The following ENTPD5 variants were observed in gnomAD, a reference collection of about 807,000 sequenced individuals.
ENTPD5 encodes nucleoside diphosphate phosphatase ENTPD5.
ENTPD5 carries 49 observed loss-of-function variants against 60.2 expected under a neutral mutation model. The observed-to-expected ratio is 0.81, with a 90% confidence interval of 0.65 to 1.03. The LOEUF (loss-of-function observed/expected upper bound fraction) is 1.03. Ranked by LOEUF, ENTPD5 falls within the 50% of genes least tolerant of loss-of-function variation. The probability of loss-of-function intolerance (pLI) is 0.00; values close to 1 mark genes in which losing one functional copy is unlikely to be tolerated. For synonymous variants in ENTPD5, 187 were observed against 185.4 expected, an observed-to-expected ratio of 1.01 and a Z score of -0.07; for missense variants, 480 against 507.6, an observed-to-expected ratio of 0.95 and a Z score of 0.52.
At chr14:74,014,389 C>G (rs200182583) in intron 2 of ENTPD5, among the ~76,000 whole-genome samples, 1,680 of 148,880 alleles carry the variant, frequency 0.011, 36 homozygotes, top group African/African-American at 0.038. Context: ...CTCCCCCCCC[C>G]CACAAAAAAA....
At chr14:73,961,804 T>C (rs748670638), downstream of ENTPD5, 11 of 1,614,218 alleles carry the variant, frequency 6.8e-6, no homozygotes, top group Admixed American at 6.7e-5. Flanking sequence ...TTCTGGCTGC[T>C]ACAGACTTAC....
chr14:74,000,543 G>A (rs2058476072), intron 3 of ENTPD5, among the ~76,000 whole-genome samples: 1 of 152,096 alleles, frequency 6.6e-6, no homozygotes, highest in African/African-American at 2.4e-5. Context: ...CACTTTGGGA[G>A]GCCGAGGAGG....
chr14:73,960,383 A>G, downstream of ENTPD5: 1 of 987,576 alleles, frequency 1.0e-6, no homozygotes, highest in South Asian at 4.7e-5. Context: ...GCCTTTGGAT[A>G]ATATGGGTAC....
Position 73,975,936 on chromosome 14 carries a change from CTA to C in ENTPD5, c.720_721del (p.His240GlnfsTer24), listed in dbSNP as rs780594705. ...TCTTCTTCCCTGTCCCCGTCCTCACCTATGTGTATAGAGCTTATAAGTGCTGT... is the reference window on the plus strand; with the variant it reads ...TCTTCTTCCCTGTCCCCGTCCTCACCTGTGTATAGAGCTTATAAGTGCTGT... On this transcript the variant is annotated frameshift_variant and splice_region_variant, in exon 10 of 16. Transcript: ENST00000334696. LOFTEE classifies it high-confidence loss of function. 12 of 1,605,642 alleles carry C rather than the reference CTA, an allele frequency of 7.5e-6. No individual in the cohort carries two copies. The highest frequency in any genetic ancestry group is 1.7e-5 in the Admixed American group (1 of 59,650).
At chr14:73,967,110 A>G (rs1402643206) in intron 15 of ENTPD5, 96 bp from the exon 16 acceptor site, 57 of 1,016,962 alleles carry the variant, frequency 5.6e-5, no homozygotes, top group Non-Finnish European at 7.8e-5. Flanking sequence ...GAATATCCAC[A>G]TGGGCAAACC....
chr14:74,004,288 C>A (rs1277335143), intron 3 of ENTPD5, among the ~76,000 whole-genome samples: 1 of 151,974 alleles, frequency 6.6e-6, no homozygotes, highest in African/African-American at 2.4e-5. Flanking sequence ...CTGTCACAGC[C>A]TCCGAAGTAG....
intron 6 of ENTPD5, among the ~76,000 whole-genome samples, chr14:73,978,939 A>G (rs1179799241): frequency 6.6e-6 from 1 of 152,004 alleles, no homozygotes; most frequent in Non-Finnish European, 1.5e-5. Flanking sequence ...GAAAAAGCCA[A>G]AGTGATTACA....
chr14:73,955,862 A>T (rs765278197), downstream of ENTPD5: 7 of 1,614,022 alleles, frequency 4.3e-6, no homozygotes, highest in South Asian at 7.7e-5. Flanking sequence ...TTTAGATGAC[A>T]TGGGCTATAT....
intron 5 of ENTPD5, among the ~76,000 whole-genome samples, chr14:73,984,118 C>T (rs969348155): frequency 3.9e-5 from 6 of 152,152 alleles, no homozygotes; most frequent in African/African-American, 1.4e-4. Context: ...ACCTCTGCCT[C>T]CCGGGTTCAA....
intron 7 of ENTPD5, 57 bp downstream of exon 7, chr14:73,977,242 G>T: frequency 7.0e-7 from 1 of 1,426,846 alleles, no homozygotes; most frequent in South Asian, 1.2e-5. Context: ...CCTTTAGTTA[G>T]ATCTTTCACT....
intron 10 of ENTPD5, among the ~76,000 whole-genome samples, chr14:73,975,292 A>G (rs1484549795): frequency 6.6e-6 from 1 of 152,104 alleles, no homozygotes; most frequent in African/African-American, 2.4e-5. Context: ...CCCAACTGGG[A>G]TCACATTCCA....
intron 5 of ENTPD5, among the ~76,000 whole-genome samples, chr14:73,985,405 T>C (rs2057858234): frequency 6.6e-6 from 1 of 152,184 alleles, no homozygotes. Flanking sequence ...CAGCACTTGT[T>C]GTTTCCTGAC....
At chr14:73,974,863 A>C (rs1244832808) in intron 11 of ENTPD5, 61 bp downstream of exon 11, 14 of 1,336,670 alleles carry the variant, frequency 1.0e-5, no homozygotes, top group Middle Eastern at 1.8e-4. Context: ...GAAGGGAAGA[A>C]GCAAGCGGAG....
intron 9 of ENTPD5, 99 bp downstream of exon 9, chr14:73,976,225 C>T (rs1369745376): frequency 3.3e-5 from 35 of 1,045,044 alleles, no homozygotes; most frequent in Middle Eastern, 2.0e-4. Flanking sequence ...TCTGCCTAAG[C>T]GTGGTAGAGC....
intron 3 of ENTPD5, among the ~76,000 whole-genome samples, chr14:73,995,929 G>A (rs2058328003): frequency 6.6e-6 from 1 of 152,034 alleles, no homozygotes; most frequent in Non-Finnish European, 1.5e-5. Context: ...GCCAGCCAGT[G>A]TTTGTCACTA....
Position 73,973,799 on chromosome 14 carries a change from T to C in ENTPD5, c.886+78A>G, listed in dbSNP as rs942922014. The C allele has an allele frequency of 4.7e-6, 6 of 1,263,882 alleles. No homozygotes were observed. In the African/African-American group the frequency reaches 8.8e-5, roughly 19 times the overall value. 78.3% of individuals were successfully genotyped at this position (1,263,882 alleles called of 1,614,324 possible). ...AACAAGATAAGCTTCTCTTGAGTTC[T>C]GGAAAAAGTTTCCCATGGGACTTTT... On this transcript the variant is annotated intron_variant, in intron 12 of 15. Coordinates refer to ENST00000334696, the MANE Select transcript of ENTPD5 (RefSeq NM_001249.5).
intron 12 of ENTPD5, 141 bp from the exon 13 acceptor site, chr14:73,973,165 G>A (rs2057302098): frequency 9.9e-7 from 1 of 1,009,404 alleles, no homozygotes; most frequent in Non-Finnish European, 1.5e-6. Flanking sequence ...TGGGACAAGA[G>A]GCGTCAAAAC....
chr14:73,970,009 C>T lies in ENTPD5; in HGVS notation c.1200+1G>A. 1 of 1,607,580 alleles carries T rather than the reference C, an allele frequency of 6.2e-7. No individual in the cohort carries two copies. Among genetic ancestry groups the T allele is most frequent in the Non-Finnish European group, 8.5e-7 (1 of 1,174,180 alleles). ...TGAGACTCTGGTGTCCTGTCTCTTACCTGTAAGACTGTGCTGTCTGCAAAG... is the reference window on the plus strand; with the variant it reads ...TGAGACTCTGGTGTCCTGTCTCTTATCTGTAAGACTGTGCTGTCTGCAAAG... On this transcript the variant is annotated splice_donor_variant, in intron 15 of 15. Coordinates refer to ENST00000334696, the MANE Select transcript of ENTPD5 (RefSeq NM_001249.5). LOFTEE classifies it high-confidence loss of function.
chr14:73,999,489 C>T (rs1240941073), intron 3 of ENTPD5, among the ~76,000 whole-genome samples: 5 of 144,464 alleles, frequency 3.5e-5, no homozygotes, highest in Non-Finnish European at 6.1e-5. Context: ...CTCTGCCCCC[C>T]ACCCCCCCAA....
Sources: gnomAD v4.1 joint callset for allele counts (sites outside exome capture counted in the v4.1 genomes callset) on GRCh38, gnomAD v4.1.1 for gene constraint, MANE v1.5 for transcripts, NCBI Gene and HGNC (gene_info 2026-07-23, HGNC 2026-07-21) for gene names.